PALM2AKAP2: variants seen among roughly 807,000 people sequenced by gnomAD.
The protein encoded by PALM2AKAP2 is PALM2-AKAP2 fusion protein.
In PALM2AKAP2, 37 loss-of-function variants were observed where a neutral mutation model predicts 71.5. That is an observed-to-expected ratio of 0.52 (90% CI 0.40 to 0.68). The LOEUF (loss-of-function observed/expected upper bound fraction) is 0.68. PALM2AKAP2 is among the 30% of genes least tolerant of loss of function. The pLI is 0.00. For synonymous variants in PALM2AKAP2, 468 were observed against 478.8 expected, an observed-to-expected ratio of 0.98 and a Z score of 0.29; for missense variants, 1,224 against 1,191.8, an observed-to-expected ratio of 1.03 and a Z score of -0.40.
rs577766678 is a variant in PALM2AKAP2, at chr9:110,148,262, A to G, written c.2570-8057A>G. ...TTTCTTTCCTTCTAGAGTTTTCATC[A>G]TCTTCCAGTTGTGTTCATAGGTATA... On this transcript the variant is annotated intron_variant, in intron 2 of 3. Coordinates refer to ENST00000374525, the Ensembl canonical transcript of PALM2AKAP2. 1.4e-3 allele frequency among the ~76,000 whole-genome samples: 213 copies of G among 152,222 alleles called. 2 individuals carry two copies. The highest frequency in any genetic ancestry group is 5.0e-3 in the African/African-American group (207 of 41,526).
intron 1 of PALM2AKAP2, among the ~76,000 whole-genome samples, chr9:109,711,140 A>T (rs1828228534): frequency 1.3e-5 from 2 of 149,246 alleles, no homozygotes; most frequent in South Asian, 4.2e-4. Context: ...GCCAGACAAG[A>T]GGGAATGACC....
At chr9:110,093,684 T>C (rs189978623) in intron 1 of PALM2AKAP2, among the ~76,000 whole-genome samples, 3 of 152,230 alleles carry the variant, frequency 2.0e-5, no homozygotes, top group Non-Finnish European at 1.5e-5. Flanking sequence ...TCCAGGCTCA[T>C]CTCCCCTGCT....
intron 1 of PALM2AKAP2, among the ~76,000 whole-genome samples, chr9:109,748,481 T>C (rs1828836243): frequency 6.6e-6 from 1 of 152,286 alleles, no homozygotes; most frequent in Middle Eastern, 3.4e-3. Flanking sequence ...GTCTAAAAGA[T>C]GGCGATCCCA....
intron 6 of PALM2AKAP2, among the ~76,000 whole-genome samples, chr9:109,980,094 A>G (rs563923184): frequency 2.8e-4 from 42 of 152,064 alleles, no homozygotes; most frequent in Admixed American, 4.6e-4. Context: ...CTAAACCCTC[A>G]CTGTGCCCTG....
chr9:109,835,298 G>T (rs895567099), intron 1 of PALM2AKAP2, among the ~76,000 whole-genome samples: 1 of 145,384 alleles, frequency 6.9e-6, no homozygotes, highest in Admixed American at 6.8e-5. Context: ...GGAGGGTGGG[G>T]GAAAGAGGGG....
rs192541462 is a variant in PALM2AKAP2 at position 109,680,256 on chromosome 9, G to A, written c.5+39390G>A. 3.3e-5 allele frequency among the ~76,000 whole-genome samples: 5 copies of A among 152,256 alleles called. No individual in the cohort carries two copies. The East Asian group carries it at 7.7e-4, about 24-fold the overall frequency. ...ACTCCTTTCTCTGAACGAAGCCCGG[G>A]CACACAGGCAGGCAGGCCCAGAGAT... On this transcript the variant is annotated intron_variant, in intron 1 of 6. Coordinates refer to the PALM2AKAP2 transcript ENST00000374531.
At chr9:109,914,626 A>G (rs1830643486) in intron 3 of PALM2AKAP2, among the ~76,000 whole-genome samples, 1 of 152,224 alleles carries the variant, frequency 6.6e-6, no homozygotes, top group Non-Finnish European at 1.5e-5. Flanking sequence ...ATGAAACTGC[A>G]GTTCCAGAGA....
chr9:110,080,974 C>A (rs1834436559), intron 1 of PALM2AKAP2, among the ~76,000 whole-genome samples: 1 of 152,198 alleles, frequency 6.6e-6, no homozygotes, highest in Non-Finnish European at 1.5e-5. Context: ...AGGCACTGCG[C>A]CCAGCCAAAT....
intron 1 of PALM2AKAP2, among the ~76,000 whole-genome samples, chr9:109,866,581 C>T (rs1360133310): frequency 6.6e-6 from 1 of 152,082 alleles, no homozygotes; most frequent in Non-Finnish European, 1.5e-5. Flanking sequence ...GAAAATATAT[C>T]CCTTTACAAC....
chr9:109,963,181 G>A (rs1831883107), intron 6 of PALM2AKAP2, among the ~76,000 whole-genome samples: 1 of 152,188 alleles, frequency 6.6e-6, no homozygotes, highest in Admixed American at 6.5e-5. Flanking sequence ...GGAATTGACT[G>A]AGCAAAGGGC....
intron 6 of PALM2AKAP2, among the ~76,000 whole-genome samples, chr9:109,986,998 G>A (rs1310701095): frequency 6.6e-6 from 1 of 152,180 alleles, no homozygotes; most frequent in African/African-American, 2.4e-5. Flanking sequence ...GAAACATAAT[G>A]TAGTGGACAT....
At chr9:110,119,216 G>A (rs961993444) in intron 1 of PALM2AKAP2, among the ~76,000 whole-genome samples, 14 of 151,776 alleles carry the variant, frequency 9.2e-5, no homozygotes, top group South Asian at 2.1e-4. Flanking sequence ...GGTGGTGGGC[G>A]CCTGTAGGCC....
At chr9:109,755,202 G>A (rs1828941526) in intron 1 of PALM2AKAP2, among the ~76,000 whole-genome samples, 1 of 151,974 alleles carries the variant, frequency 6.6e-6, no homozygotes, top group African/African-American at 2.4e-5. Context: ...ACCAGAAAAT[G>A]CCACTTCCCT....
At position 110,125,583 on chromosome 9, in the gene PALM2AKAP2, G is replaced by A. The variant is rs903310420; in HGVS notation, c.157-10544G>A. 4 of 985,330 alleles carry A rather than the reference G, an allele frequency of 4.1e-6. No homozygotes were observed. The African/African-American group carries it at 5.2e-5, about 13-fold the overall frequency. 61.0% of individuals were successfully genotyped at this position (985,330 alleles called of 1,614,324 possible). ...TTCTCACTGAGGAGGTTTGAGGCGCGCGCTCTGGGCAGGGTAAGCCAAGTC... is the reference window on the plus strand; with the variant it reads ...TTCTCACTGAGGAGGTTTGAGGCGCACGCTCTGGGCAGGGTAAGCCAAGTC... On this transcript the variant is annotated intron_variant, in intron 1 of 3. Coordinates refer to ENST00000374525, the Ensembl canonical transcript of PALM2AKAP2.
At chr9:110,042,095 C>A (rs1833518785) in intron 7 of PALM2AKAP2, among the ~76,000 whole-genome samples, 1 of 152,104 alleles carries the variant, frequency 6.6e-6, no homozygotes, top group Admixed American at 6.5e-5. Flanking sequence ...CTAACATATG[C>A]CAGTCTTGGA....
chr9:109,846,187 G>C (rs1045389040), intron 1 of PALM2AKAP2, among the ~76,000 whole-genome samples: 1 of 152,116 alleles, frequency 6.6e-6, no homozygotes, highest in African/African-American at 2.4e-5. Flanking sequence ...GAGTTCTTCT[G>C]ATGTCCTGCA....
intron 6 of PALM2AKAP2, among the ~76,000 whole-genome samples, chr9:110,008,082 T>A (rs1224731894): frequency 6.6e-6 from 1 of 151,918 alleles, no homozygotes; most frequent in East Asian, 1.9e-4. Flanking sequence ...CACAGAAAGG[T>A]GGTGGGAAAG....
intron 1 of PALM2AKAP2, among the ~76,000 whole-genome samples, chr9:109,854,663 T>C (rs1829106725): frequency 6.6e-6 from 1 of 152,192 alleles, no homozygotes; most frequent in African/African-American, 2.4e-5. Flanking sequence ...TCCTGTAGCA[T>C]GATCATTTAT....
chr9:110,080,110 T>A (rs1834416692), intron 1 of PALM2AKAP2, among the ~76,000 whole-genome samples: 1 of 147,646 alleles, frequency 6.8e-6, no homozygotes, highest in South Asian at 2.2e-4. Context: ...AGATTAAGGA[T>A]CCCTATCTGA....
Sources: allele counts gnomAD v4.1 joint callset (sites outside exome capture counted in the v4.1 genomes callset), GRCh38; gene constraint gnomAD v4.1.1; transcripts MANE v1.5; gene names NCBI Gene and HGNC (gene_info 2026-07-23, HGNC 2026-07-21).